Variants in RAB40C observed in about 807,000 individuals in gnomAD.
The protein encoded by RAB40C is ras-related protein Rab-40C.
In RAB40C, 8 loss-of-function variants were observed where a neutral mutation model predicts 28.1. The ratio of observed to expected loss-of-function variants is 0.28; its 90% CI spans 0.17 to 0.51. The LOEUF is 0.51. Among genes scored for constraint, RAB40C ranks in the 20% least tolerant of loss-of-function variants. RAB40C has a pLI of 0.97. For synonymous variants in RAB40C, 201 were observed against 171.7 expected, an observed-to-expected ratio of 1.17 and a Z score of -1.34; for missense variants, 288 against 405.9, an observed-to-expected ratio of 0.71 and a Z score of 2.50.
At chr16:604,619 A>G (rs2036323309) in intron 1 of RAB40C, among the ~76,000 whole-genome samples, 1 of 152,242 alleles carries the variant, frequency 6.6e-6, no homozygotes, top group African/African-American at 2.4e-5. Context: ...TTTCTCTAGA[A>G]TATATGTGAG....
rs541477099 is a variant in RAB40C, at chr16:602,120, A to G, written c.142+11687A>G. ...CAGCCTGGGCAACAGCTCTCAAAACAAAACAAAAAACTACTGATTTGGAGG... is the reference window on the plus strand; with the variant it reads ...CAGCCTGGGCAACAGCTCTCAAAACGAAACAAAAAACTACTGATTTGGAGG... On this transcript the variant is annotated intron_variant, in intron 1 of 5. Transcript: ENST00000248139. 5.3e-5 allele frequency among the ~76,000 whole-genome samples: 8 copies of G among 152,270 alleles called. No individual in the cohort carries two copies. The South Asian group carries it at 1.2e-3, about 24-fold the overall frequency.
At position 610,787 on chromosome 16, in the gene RAB40C, T is replaced by C. The variant is rs1383975430; in HGVS notation, c.143-6421T>C. On this transcript the variant is annotated intron_variant, in intron 1 of 5. Coordinates refer to ENST00000248139, the MANE Select transcript of RAB40C (RefSeq NM_021168.5). The surrounding 1 kb of genome is among the most constrained non-coding windows in gnomAD (Gnocchi z 4.6). ...GCTTGCCCTGACCCTGCCTGGATAA[T>C]TGAGACCTTCCAGGCCAAGGGCCCC... Among the ~76,000 whole-genome samples, 2 of 143,460 alleles carry C rather than the reference T, an allele frequency of 1.4e-5. No individual in the cohort carries two copies. The highest frequency in any genetic ancestry group is 3.1e-5 in the Non-Finnish European group (2 of 65,406). 94.1% of individuals were successfully genotyped at this position (143,460 alleles called of 152,430 possible).
At chr16:597,081 G>A (rs1331575595) in intron 1 of RAB40C, among the ~76,000 whole-genome samples, 1 of 152,198 alleles carries the variant, frequency 6.6e-6, no homozygotes, top group Non-Finnish European at 1.5e-5. Flanking sequence ...CACCGCCAGG[G>A]TGCTGCACAT....
At chr16:624,444 T>C in intron 3 of RAB40C, 9 of 985,508 alleles carry the variant, frequency 9.1e-6, no homozygotes, top group Non-Finnish European at 1.1e-5. Flanking sequence ...CTTCCTGAGC[T>C]GTCGCTCCAT....
At position 620,618 on chromosome 16, in the gene RAB40C, G is replaced by GC. The variant is rs1336566343; in HGVS notation, c.264+2366dup. On this transcript the variant is annotated intron_variant, in intron 3 of 5. Coordinates refer to ENST00000248139, the MANE Select transcript of RAB40C (RefSeq NM_021168.5). ...GACAGGCTCCACTGCGGGCATCCCA[G>GC]CCCCCCCCGACGGGCTCCACCGCGG... Among the ~76,000 whole-genome samples the GC allele has an allele frequency of 1.6e-4, 21 of 133,396 alleles. 1 individual carries two copies. Among genetic ancestry groups the GC allele is most frequent in the South Asian group, 2.6e-4 (1 of 3,882 alleles). 87.5% of individuals were successfully genotyped at this position (133,396 alleles called of 152,430 possible). A position where few individuals can be genotyped will look rare whatever the true frequency, so the allele number is the denominator to read the frequency against.
intron 2 of RAB40C, 49 bp from the exon 3 acceptor site, chr16:618,151 C>T (rs1258730613): frequency 1.3e-6 from 2 of 1,576,316 alleles, no homozygotes; most frequent in Admixed American, 1.7e-5. Context: ...GGAGGTGAGC[C>T]TCTCACAGGG....
chr16:620,057 C>T (rs911830299), intron 3 of RAB40C, among the ~76,000 whole-genome samples: 1 of 152,266 alleles, frequency 6.6e-6, no homozygotes, highest in African/African-American at 2.4e-5. Context: ...AGGTGGAAGA[C>T]GGGCAGGCTC....
intron 1 of RAB40C, among the ~76,000 whole-genome samples, chr16:601,869 T>C (rs2036259542): frequency 7.3e-6 from 1 of 137,424 alleles, no homozygotes; most frequent in South Asian, 2.3e-4. Context: ...GGCTCACGCC[T>C]GTAATCCCAG....
chr16:591,698 TC>T (rs1401540822), intron 1 of RAB40C, among the ~76,000 whole-genome samples: 1 of 151,952 alleles, frequency 6.6e-6, no homozygotes, highest in Non-Finnish European at 1.5e-5. Context: ...TTCAAGCGAT[TC>T]CCCTGTCTCA....
intron 3 of RAB40C, among the ~76,000 whole-genome samples, chr16:623,281 C>A (rs952377989): frequency 6.6e-6 from 1 of 152,230 alleles, no homozygotes; most frequent in Non-Finnish European, 1.5e-5. Context: ...CCCTCTCCAG[C>A]CTTTTAGCAT....
At chr16:608,902 C>T (rs2036421382) in intron 1 of RAB40C, among the ~76,000 whole-genome samples, 2 of 152,226 alleles carry the variant, frequency 1.3e-5, no homozygotes, top group Non-Finnish European at 2.9e-5. Context: ...ATTGCTTGAG[C>T]TCAGGAGCTC....
chr16:602,030 G>T (rs1567186153), intron 1 of RAB40C, among the ~76,000 whole-genome samples: 1 of 151,956 alleles, frequency 6.6e-6, no homozygotes, highest in Non-Finnish European at 1.5e-5. Flanking sequence ...GGAGGCTGAG[G>T]CAAGAGAATC....
chr16:595,148 T>A (rs147778929), intron 1 of RAB40C, among the ~76,000 whole-genome samples: 265 of 151,860 alleles, frequency 1.7e-3, no homozygotes, highest in Middle Eastern at 6.8e-3. Flanking sequence ...TCCAGCAGGG[T>A]GGTGTTGTGG....
intron 1 of RAB40C, among the ~76,000 whole-genome samples, chr16:608,912 C>G (rs2036421664): frequency 6.6e-6 from 1 of 152,006 alleles, no homozygotes; most frequent in South Asian, 2.1e-4. Context: ...CTCAGGAGCT[C>G]AAGACCAGCC....
At position 590,393 on chromosome 16, in the gene RAB40C, GC is replaced by G; in HGVS notation, c.103del (p.Gln35ArgfsTer29). 6.3e-7 allele frequency: 1 copy of G among 1,595,260 alleles called. No homozygotes were observed. The highest frequency in any genetic ancestry group is 1.1e-5 in the South Asian group (1 of 89,130). On this transcript the variant is annotated frameshift_variant, in exon 1 of 6. Coordinates refer to ENST00000248139, the MANE Select transcript of RAB40C (RefSeq NM_021168.5). LOFTEE classifies it high-confidence loss of function. Reference sequence around the variant, plus strand: ...GCAAGGGCGAGATCCTGGAGAGCCTGCAGGACGGCGCGGCAGAGTCCCCGTA... The same window carrying G: ...GCAAGGGCGAGATCCTGGAGAGCCTGAGGACGGCGCGGCAGAGTCCCCGTA... ...VGKGEILESL[Q>X]DGAAESPYAY... is the part of the protein sequence containing the mutation.
rs1395914307 is a variant in RAB40C, at chr16:615,787, C to T, written c.143-1421C>T. Among the ~76,000 whole-genome samples, 4 of 152,078 alleles carry T rather than the reference C, an allele frequency of 2.6e-5. No individual in the cohort carries two copies. The East Asian group carries it at 7.7e-4, about 29-fold the overall frequency. On this transcript the variant is annotated intron_variant, in intron 1 of 5. Coordinates refer to ENST00000248139, the MANE Select transcript of RAB40C (RefSeq NM_021168.5). Reference sequence around the variant, plus strand: ...GACCAGCTTAGCCAACGTGGCAAAACCCCGTCTCTACTAAAATTATAAAAA... The same window carrying T: ...GACCAGCTTAGCCAACGTGGCAAAATCCCGTCTCTACTAAAATTATAAAAA...
chr16:605,065 T>A (rs898703836), intron 1 of RAB40C, among the ~76,000 whole-genome samples: 1 of 151,662 alleles, frequency 6.6e-6, no homozygotes, highest in Admixed American at 6.6e-5. Flanking sequence ...CTCAAAAAAA[T>A]AAATAAATTA....
intron 3 of RAB40C, among the ~76,000 whole-genome samples, chr16:622,793 G>T (rs1287413609): frequency 6.6e-6 from 1 of 152,162 alleles, no homozygotes; most frequent in South Asian, 2.1e-4. Context: ...CGTGAGCCAC[G>T]GCGCCTGGCC....
At chr16:618,657 C>T (rs868446310) in intron 3 of RAB40C, among the ~76,000 whole-genome samples, 26 of 138,020 alleles carry the variant, frequency 1.9e-4, no homozygotes, top group African/African-American at 4.2e-4. Flanking sequence ...GCAGTGTGTG[C>T]GCAGGTGTGG....
Sources: allele counts gnomAD v4.1 joint callset (sites outside exome capture counted in the v4.1 genomes callset), GRCh38; gene constraint gnomAD v4.1.1; non-coding constraint Gnocchi (gnomAD v3.1); transcripts MANE v1.5; gene names NCBI Gene and HGNC (gene_info 2026-07-23, HGNC 2026-07-21).